Variants in STK3 observed in about 807,000 individuals in gnomAD.
STK3 encodes the protein serine/threonine-protein kinase 3.
Under a neutral mutation model 58.0 loss-of-function variants are expected in STK3, and 41 were observed. The ratio of observed to expected loss-of-function variants is 0.71; its 90% confidence interval spans 0.55 to 0.92. The LOEUF (loss-of-function observed/expected upper bound fraction) is 0.92. Among genes scored for constraint, STK3 ranks in the 40% least tolerant of loss-of-function variants. The probability of loss-of-function intolerance (pLI) is 0.00; values close to 1 mark genes in which losing one functional copy is unlikely to be tolerated. For missense variants in STK3, 479 were observed against 602.7 expected, an observed-to-expected ratio of 0.79 and a Z score of 2.15; for synonymous variants, 170 against 191.0, an observed-to-expected ratio of 0.89 and a Z score of 0.91.
chr8:98,563,913 A>G (rs777745771), intron 8 of STK3, among the ~76,000 whole-genome samples: 5 of 151,988 alleles, frequency 3.3e-5, no homozygotes, highest in Non-Finnish European at 7.4e-5. Context: ...AATTCTAAAT[A>G]CTCCATCCTC....
intron 8 of STK3, among the ~76,000 whole-genome samples, chr8:98,568,063 T>TGATAGATAGATAGATAGATAGATA (rs10528436): frequency 6.8e-6 from 1 of 146,466 alleles, no homozygotes; most frequent in African/African-American, 2.6e-5. Flanking sequence ...CTTAGATAGA[T>TGATAGATAGATAGATAGATAGATA]GATAGATAGA....
chr8:98,502,616 G>A (rs963927396), intron 10 of STK3, among the ~76,000 whole-genome samples: 6 of 152,146 alleles, frequency 3.9e-5, no homozygotes, highest in East Asian at 1.9e-4. Context: ...AGCATGAAGC[G>A]CTGTTGAACT....
At chr8:98,644,015 AACAATAATAATAACAACC>A (rs1194636972) in intron 6 of STK3, among the ~76,000 whole-genome samples, 1 of 152,172 alleles carries the variant, frequency 6.6e-6, no homozygotes, top group Non-Finnish European at 1.5e-5. Flanking sequence ...ACCCCAACTC[AACAATAATAATAACAACC>A]ACAATAATAA....
Position 98,455,877 on chromosome 8 carries a change from T to C in STK3, c.1441A>G (p.Met481Val). Residue 481 changes from methionine (M) to valine (V), a missense_variant, in exon 11 of 11, where the codon ATG (methionine) becomes GTG (valine). Coordinates refer to ENST00000419617, the MANE Select transcript of STK3 (RefSeq NM_006281.4). ...TGCTGCCTTCTTTTCTTTGCATCCA[T>C]CGCATCCAGAATGGGCTGTCTTTTC... The part of the protein sequence containing the change: ...TAKRQPILDA[M>V]DAKKRRQQNF 1 of 1,613,786 alleles carries C rather than the reference T, an allele frequency of 6.2e-7. No homozygotes were observed. Among genetic ancestry groups the C allele is most frequent in the Non-Finnish European group, 8.5e-7 (1 of 1,179,810 alleles).
chr8:98,718,153 T>C (rs537558960), intron 4 of STK3, among the ~76,000 whole-genome samples: 1 of 152,272 alleles, frequency 6.6e-6, no homozygotes, highest in South Asian at 2.1e-4. Context: ...CACAACTTTA[T>C]AAATGTATTT....
intron 6 of STK3, among the ~76,000 whole-genome samples, chr8:98,627,901 TGTGGG>T (rs1818858136): frequency 6.6e-6 from 1 of 152,218 alleles, no homozygotes; most frequent in African/African-American, 2.4e-5. Context: ...TTTTTGTACA[TGTGGG>T]TATCTAATTG....
At position 98,747,444 on chromosome 8, in the gene STK3, G is replaced by A. The variant is rs187489793; in HGVS notation, c.351+1832C>T. ...GTTTTACACCTGTTTAATCAAAGAC[G>A]ACTGTTAGACTCGTCAAATTTTTGA... On this transcript the variant is annotated intron_variant, in intron 4 of 10. Coordinates refer to ENST00000419617, the MANE Select transcript of STK3 (RefSeq NM_006281.4). Among the ~76,000 whole-genome samples the A allele has an allele frequency of 8.6e-3, 1,310 of 152,146 alleles. 10 individuals are homozygous for A. The highest frequency in any genetic ancestry group is 0.03 in the African/African-American group (1,231 of 41,500).
rs1466687285 is a variant in STK3, at chr8:98,587,669, C to G, written c.823-7880G>C. On this transcript the variant is annotated intron_variant, in intron 7 of 10. Coordinates refer to ENST00000419617, the MANE Select transcript of STK3 (RefSeq NM_006281.4). Reference sequence around the variant, plus strand: ...GGGTATCCTTGTTGACTTTCTGTCTCGTTGATCTGTCTAATGTTGACAGTG... The same window carrying G: ...GGGTATCCTTGTTGACTTTCTGTCTGGTTGATCTGTCTAATGTTGACAGTG... Among the ~76,000 whole-genome samples, 6 of 152,042 alleles carry G rather than the reference C, an allele frequency of 3.9e-5. No homozygotes were observed. In the South Asian group the frequency reaches 8.3e-4, roughly 21 times the overall value.
intron 3 of STK3, among the ~76,000 whole-genome samples, chr8:98,850,518 G>C (rs921841487): frequency 3.3e-5 from 5 of 152,170 alleles, no homozygotes; most frequent in Admixed American, 1.3e-4. Flanking sequence ...ATCCAACCCA[G>C]CTTGGGGGTA....
At chr8:98,735,469 C>G (rs1454872452) in intron 4 of STK3, among the ~76,000 whole-genome samples, 1 of 152,070 alleles carries the variant, frequency 6.6e-6, no homozygotes, top group Admixed American at 6.5e-5. Flanking sequence ...AGGACTTGAG[C>G]TGTGTTTGTG....
rs373270175 is a variant in STK3, at chr8:98,671,388, A to C, written c.684+35079T>G. Among the ~76,000 whole-genome samples the C allele has an allele frequency of 3.9e-5, 6 of 152,324 alleles. No individual in the cohort carries two copies. In the South Asian group the frequency reaches 8.3e-4, roughly 21 times the overall value. ...TTCATTACAGCTACATACAAATGGA[A>C]ATGCCATAAATTACATAAAAGCTCA... On this transcript the variant is annotated intron_variant, in intron 6 of 10. Coordinates refer to ENST00000419617, the MANE Select transcript of STK3 (RefSeq NM_006281.4).
At chr8:98,682,457 T>A (rs1387440394) in intron 6 of STK3, among the ~76,000 whole-genome samples, 1 of 152,198 alleles carries the variant, frequency 6.6e-6, no homozygotes, top group African/African-American at 2.4e-5. Context: ...CTTCAGTTTA[T>A]AAGTCACTTA....
intron 3 of STK3, among the ~76,000 whole-genome samples, chr8:98,752,339 C>A (rs1400479981): frequency 1.3e-5 from 2 of 152,052 alleles, no homozygotes; most frequent in Non-Finnish European, 2.9e-5. Context: ...CAATAACAGG[C>A]AATGGAAAGG....
At chr8:98,918,078 C>G (rs1258295998) in intron 1 of STK3, among the ~76,000 whole-genome samples, 1 of 152,190 alleles carries the variant, frequency 6.6e-6, no homozygotes, top group Non-Finnish European at 1.5e-5. Flanking sequence ...AATAATAGTG[C>G]CTACTTCATA....
intron 2 of STK3, among the ~76,000 whole-genome samples, chr8:98,768,910 A>G (rs1831117306): frequency 6.6e-6 from 1 of 152,232 alleles, no homozygotes; most frequent in Admixed American, 6.5e-5. Flanking sequence ...AGACTGAGGT[A>G]GTTGGTGGGA....
At chr8:98,843,754 C>T (rs1003685387) in intron 3 of STK3, among the ~76,000 whole-genome samples, 11 of 152,194 alleles carry the variant, frequency 7.2e-5, no homozygotes, top group African/African-American at 2.4e-4. Flanking sequence ...TGGTGGCTCA[C>T]GCCTGTAATC....
At chr8:98,645,952 G>A (rs1820369224) in intron 6 of STK3, among the ~76,000 whole-genome samples, 1 of 152,136 alleles carries the variant, frequency 6.6e-6, no homozygotes, top group Non-Finnish European at 1.5e-5. Context: ...ACAGGCGTGA[G>A]CTATCATGCC....
the STK3 span, among the ~76,000 whole-genome samples, chr8:98,345,521 A>G: frequency 6.6e-6 from 1 of 151,968 alleles, no homozygotes; most frequent in Non-Finnish European, 1.5e-5. Context: ...GAGTGATGTC[A>G]TCTAGGGAAA....
At chr8:98,707,423 TAA>T in intron 4 of STK3, 112 bp from the exon 5 acceptor site, 1 of 796,012 alleles carries the variant, frequency 1.3e-6, no homozygotes, top group South Asian at 2.0e-5. Flanking sequence ...TGTTTTTTTT[TAA>T]GAGACCCCAC....
Sources: allele counts gnomAD v4.1 joint callset (sites outside exome capture counted in the v4.1 genomes callset), GRCh38; gene constraint gnomAD v4.1.1; transcripts MANE v1.5; gene names NCBI Gene and HGNC (gene_info 2026-07-23, HGNC 2026-07-21).